The following ANK2 variants were observed in gnomAD, a reference collection of about 807,000 sequenced individuals.
ANK2 encodes the protein ankyrin 2.
Under a neutral mutation model 360.5 loss-of-function variants are expected in ANK2, and 83 were observed. The observed-to-expected ratio is 0.23, with a 90% CI of 0.19 to 0.28. The LOEUF is 0.28. ANK2 is among the 10% of genes least tolerant of loss of function. The pLI, the probability that ANK2 is intolerant of heterozygous loss-of-function variation, is 1.00. For missense variants in ANK2, 4,201 were observed against 4,795.7 expected (o/e 0.88, Z 3.66); for synonymous variants, 1,740 against 1,759.5 (o/e 0.99, Z 0.28).
At chr4:112,874,061 C>A in intron 1 of ANK2, among the ~76,000 whole-genome samples, 1 of 148,298 alleles carries the variant, frequency 6.7e-6, no homozygotes, top group Non-Finnish European at 1.5e-5. Flanking sequence ...TTCACACACA[C>A]AAAAGCTCTT....
At chr4:112,946,362 C>T (rs2094544942) in intron 2 of ANK2, among the ~76,000 whole-genome samples, 3 of 152,136 alleles carry the variant, frequency 2.0e-5, no homozygotes, top group African/African-American at 7.2e-5. Context: ...TGCCGCCTGT[C>T]CTAAGTGCAG....
intron 10 of ANK2, among the ~76,000 whole-genome samples, chr4:113,250,756 C>CCA (rs66628618): frequency 9.4e-5 from 2 of 21,344 alleles, no homozygotes; most frequent in Admixed American, 5.9e-4. Flanking sequence ...CATACCACCG[C>CCA]CCCCCCCCCC....
At chr4:113,368,630 C>G (rs1020417761) in intron 42 of ANK2, among the ~76,000 whole-genome samples, 7 of 152,112 alleles carry the variant, frequency 4.6e-5, no homozygotes, top group African/African-American at 1.7e-4. Flanking sequence ...ATCCCTAAAC[C>G]TGAAGTCTGA....
intron 2 of ANK2, among the ~76,000 whole-genome samples, chr4:113,002,996 GCAACCAT>G (rs2051372520): frequency 6.6e-6 from 1 of 152,136 alleles, no homozygotes; most frequent in Non-Finnish European, 1.5e-5. Flanking sequence ...ATTCTCTTAT[GCAACCAT>G]CTGCCATGGG....
At chr4:113,127,476 T>G (rs1399814689) in intron 1 of ANK2, among the ~76,000 whole-genome samples, 1 of 151,968 alleles carries the variant, frequency 6.6e-6, no homozygotes, top group Admixed American at 6.6e-5. Flanking sequence ...GTTTTTTTTT[T>G]TAATACATAG....
At chr4:112,782,859 G>A in the ANK2 span, among the ~76,000 whole-genome samples, 1 of 147,056 alleles carries the variant, frequency 6.8e-6, no homozygotes. Context: ...ACAAGAGTGA[G>A]ACTCCATCTC....
intron 2 of ANK2, among the ~76,000 whole-genome samples, chr4:113,177,306 TC>T (rs2098252391): frequency 6.6e-6 from 1 of 152,164 alleles, no homozygotes; most frequent in Non-Finnish European, 1.5e-5. Context: ...GGTCTCGATC[TC>T]CTGACCTCGT....
chr4:112,880,060 A>ACT (rs1304897547), intron 1 of ANK2, among the ~76,000 whole-genome samples: 1 of 145,530 alleles, frequency 6.9e-6, no homozygotes, highest in African/African-American at 2.5e-5. Flanking sequence ...ACACACACAC[A>ACT]CACTCTCTCT....
chr4:113,156,358 A>G (rs1285635068), intron 1 of ANK2, among the ~76,000 whole-genome samples: 1 of 110,082 alleles, frequency 9.1e-6, no homozygotes, highest in African/African-American at 3.2e-5. Flanking sequence ...TATAGAGTAT[A>G]TGTAGAAAAA....
chr4:112,973,639 A>C (rs1408833796), intron 2 of ANK2, among the ~76,000 whole-genome samples: 1 of 152,196 alleles, frequency 6.6e-6, no homozygotes, highest in Admixed American at 6.5e-5. Context: ...AAACTTAATA[A>C]GCATGTTTCT....
At chr4:112,930,420 G>C (rs1230729565) in intron 2 of ANK2, among the ~76,000 whole-genome samples, 3 of 151,080 alleles carry the variant, frequency 2.0e-5, no homozygotes, top group Non-Finnish European at 4.4e-5. Flanking sequence ...CTGCACTCCA[G>C]CCTGGGCGAC....
intron 2 of ANK2, among the ~76,000 whole-genome samples, chr4:112,943,125 G>A (rs548885539): frequency 3.3e-5 from 5 of 152,116 alleles, no homozygotes; most frequent in South Asian, 2.1e-4. Context: ...GAACAGGGGC[G>A]TGGCAGAGTC....
intron 9 of ANK2, among the ~76,000 whole-genome samples, chr4:113,245,977 A>G (rs913879397): frequency 2.0e-5 from 3 of 151,992 alleles, no homozygotes; most frequent in African/African-American, 7.2e-5. Flanking sequence ...TGTATTTTTA[A>G]TAGAGACAGG....
intron 2 of ANK2, among the ~76,000 whole-genome samples, chr4:112,999,324 AT>A (rs1404210340): frequency 1.3e-5 from 2 of 152,160 alleles, no homozygotes; most frequent in African/African-American, 4.8e-5. Context: ...CCTTGGATAT[AT>A]TATCTTATTT....
At chr4:113,030,065 T>A (rs570562638) in intron 2 of ANK2, among the ~76,000 whole-genome samples, 1 of 152,234 alleles carries the variant, frequency 6.6e-6, no homozygotes, top group African/African-American at 2.4e-5. Context: ...AAAAATCTTG[T>A]GTACTATGTG....
chr4:113,260,555 G>T (rs1284214690), intron 13 of ANK2, among the ~76,000 whole-genome samples: 1 of 152,130 alleles, frequency 6.6e-6, no homozygotes, highest in Non-Finnish European at 1.5e-5. Context: ...GATACCTATT[G>T]ATAGGGTTGC....
At chr4:112,853,275 G>A (rs1286117880) in intron 1 of ANK2, among the ~76,000 whole-genome samples, 1 of 152,148 alleles carries the variant, frequency 6.6e-6, no homozygotes, top group East Asian at 1.9e-4. Context: ...CACTATGTTG[G>A]CCAGGATGGT....
chr4:113,351,845 T>A (rs2095432734), intron 37 of ANK2, among the ~76,000 whole-genome samples: 1 of 152,230 alleles, frequency 6.6e-6, no homozygotes, highest in African/African-American at 2.4e-5. Flanking sequence ...GATTTAAAGA[T>A]AATCATTAAA....
intron 1 of ANK2, among the ~76,000 whole-genome samples, chr4:112,838,594 C>T (rs1040032303): frequency 1.3e-5 from 2 of 152,162 alleles, no homozygotes; most frequent in African/African-American, 2.4e-5. Context: ...ATAGGCTGGG[C>T]GCATGGCTCA....
Sources: allele counts gnomAD v4.1 joint callset (sites outside exome capture counted in the v4.1 genomes callset), GRCh38; gene constraint gnomAD v4.1.1; transcripts MANE v1.5; gene names NCBI Gene and HGNC (gene_info 2026-07-23, HGNC 2026-07-21).